Variants in KCNJ6 observed in about 807,000 individuals in gnomAD.
KCNJ6 encodes G protein-activated inward rectifier potassium channel 2.
Under a neutral mutation model 34.2 loss-of-function variants are expected in KCNJ6, and 9 were observed. The observed-to-expected ratio is 0.26, with a 90% CI of 0.16 to 0.46. The LOEUF is 0.46. KCNJ6 is among the 20% of genes least tolerant of loss of function. The pLI, the probability that KCNJ6 is intolerant of heterozygous loss-of-function variation, is 1.00. For missense variants in KCNJ6, 236 were observed against 531.3 expected (o/e 0.44, Z 5.46); for synonymous variants, 196 against 207.1 (o/e 0.95, Z 0.46).
rs536483408 is a variant in KCNJ6, at chr21:37,864,004, G to A, written c.-27-23295C>T. On this transcript the variant is annotated intron_variant, in intron 1 of 3. Transcript: ENST00000609713. ...AGCTTTTCAGGCCAATGAGTCATCC[G>A]GCATCACAAGCCGGGTTGTGGGGCT... Among the ~76,000 whole-genome samples the A allele has an allele frequency of 3.2e-4, 49 of 151,958 alleles. No individual in the cohort carries two copies. The South Asian group carries it at 8.1e-3, about 25-fold the overall frequency.
At chr21:37,763,147 G>A (rs144316321) in intron 2 of KCNJ6, among the ~76,000 whole-genome samples, 1 of 152,106 alleles carries the variant, frequency 6.6e-6, no homozygotes, top group Non-Finnish European at 1.5e-5. Flanking sequence ...GAGAGTACAA[G>A]GCAAGTCACC....
At chr21:37,895,920 G>A (rs577487116) in intron 1 of KCNJ6, among the ~76,000 whole-genome samples, 3 of 152,316 alleles carry the variant, frequency 2.0e-5, no homozygotes, top group South Asian at 2.1e-4. Flanking sequence ...AATGCCTGCA[G>A]GCTCATTGTA....
intron 3 of KCNJ6, among the ~76,000 whole-genome samples, chr21:37,635,507 C>T (rs767013776): frequency 1.4e-4 from 21 of 151,202 alleles, no homozygotes; most frequent in Non-Finnish European, 2.2e-4. Context: ...TGTGAGCCAC[C>T]GCACCTGGCC....
chr21:37,800,903 G>A (rs1303285515), intron 2 of KCNJ6, among the ~76,000 whole-genome samples: 2 of 152,150 alleles, frequency 1.3e-5, no homozygotes, highest in South Asian at 4.2e-4. Context: ...CTGGATTATC[G>A]GGTAGGATCC....
intron 3 of KCNJ6, among the ~76,000 whole-genome samples, chr21:37,645,787 C>T (rs1160451050): frequency 1.3e-5 from 2 of 152,100 alleles, no homozygotes; most frequent in East Asian, 3.8e-4. Context: ...CACGTAGCAG[C>T]CTTTTCCAGA....
intron 1 of KCNJ6, among the ~76,000 whole-genome samples, chr21:37,847,463 G>A (rs2055515085): frequency 6.6e-6 from 1 of 152,174 alleles, no homozygotes; most frequent in South Asian, 2.1e-4. Context: ...AGAAATGAAG[G>A]CCGTTCATGC....
At chr21:37,778,226 T>C (rs2055151644) in intron 2 of KCNJ6, among the ~76,000 whole-genome samples, 1 of 152,194 alleles carries the variant, frequency 6.6e-6, no homozygotes, top group Non-Finnish European at 1.5e-5. Flanking sequence ...AGTCAGTTCT[T>C]ACCATGTAAA....
Position 37,613,361 on chromosome 21 carries a change from T to G in KCNJ6, c.*11798A>C, listed in dbSNP as rs1219352575. The G allele has an allele frequency of 6.6e-6, 1 of 152,236 alleles. No homozygotes were observed. The allele number at this position is 152,236 out of a possible 1,614,324, so 9.4% of individuals were successfully genotyped here. On this transcript the variant is annotated 3_prime_UTR_variant, in exon 4 of 4. Coordinates refer to ENST00000609713, the MANE Select transcript of KCNJ6 (RefSeq NM_002240.5). ...GTGGAATGCAAAACAGTACAGCCACTTTGGAAGGCAGTTTGGCTGTGTCTT... is the reference window on the plus strand; with the variant it reads ...GTGGAATGCAAAACAGTACAGCCACGTTGGAAGGCAGTTTGGCTGTGTCTT...
At chr21:37,753,581 T>A (rs2055007822) in intron 2 of KCNJ6, among the ~76,000 whole-genome samples, 1 of 152,160 alleles carries the variant, frequency 6.6e-6, no homozygotes, top group Non-Finnish European at 1.5e-5. Flanking sequence ...CTGGTTCTGC[T>A]CCTACTGTGC....
At chr21:37,884,623 A>G (rs751243537) in intron 1 of KCNJ6, among the ~76,000 whole-genome samples, 1 of 152,108 alleles carries the variant, frequency 6.6e-6, no homozygotes, top group African/African-American at 2.4e-5. Flanking sequence ...GTAAAAGTCA[A>G]ATTTCACAAA....
intron 3 of KCNJ6, 51 bp from the exon 4 acceptor site, chr21:37,625,535 T>C: frequency 7.0e-7 from 1 of 1,418,578 alleles, no homozygotes; most frequent in Non-Finnish European, 9.8e-7. Context: ...GGGCTTTCCA[T>C]GGCCAAGGAG....
At chr21:37,705,334 A>T (rs1004199661) in intron 3 of KCNJ6, among the ~76,000 whole-genome samples, 6 of 152,176 alleles carry the variant, frequency 3.9e-5, no homozygotes, top group Non-Finnish European at 5.9e-5. Flanking sequence ...TGGCCAAGTT[A>T]CTGTCTTCCC....
At chr21:37,712,356 G>T (rs995280815) in intron 3 of KCNJ6, among the ~76,000 whole-genome samples, 9 of 152,102 alleles carry the variant, frequency 5.9e-5, no homozygotes, top group Non-Finnish European at 8.8e-5. Flanking sequence ...GGGGGATCCA[G>T]AGTCCCTGTG....
chr21:37,717,799 G>A (rs1054766942), intron 2 of KCNJ6, among the ~76,000 whole-genome samples: 3 of 152,064 alleles, frequency 2.0e-5, no homozygotes, highest in Non-Finnish European at 4.4e-5. Context: ...GGGAGAAGAG[G>A]GTTTGTCAAA....
chr21:37,829,015 T>C (rs559887872), intron 2 of KCNJ6, among the ~76,000 whole-genome samples: 230 of 152,344 alleles, frequency 1.5e-3, no homozygotes, highest in African/African-American at 5.2e-3. Flanking sequence ...AATCCAGCCA[T>C]GCAGCCTAAC....
intron 1 of KCNJ6, among the ~76,000 whole-genome samples, chr21:37,894,574 G>T (rs2055778629): frequency 6.6e-6 from 1 of 152,104 alleles, no homozygotes; most frequent in Non-Finnish European, 1.5e-5. Context: ...CTGAGGCAGA[G>T]AACTGCTTGA....
chr21:37,838,213 A>C (rs1391374461), intron 2 of KCNJ6, among the ~76,000 whole-genome samples: 1 of 152,212 alleles, frequency 6.6e-6, no homozygotes, highest in Non-Finnish European at 1.5e-5. Context: ...ATCATTAGAG[A>C]TATTGTTCAG....
At chr21:37,748,824 C>A (rs1338297568) in intron 2 of KCNJ6, among the ~76,000 whole-genome samples, 3 of 152,098 alleles carry the variant, frequency 2.0e-5, no homozygotes, top group Admixed American at 2.0e-4. Context: ...AGGTTTTATC[C>A]CCGCAAAACT....
intron 2 of KCNJ6, among the ~76,000 whole-genome samples, chr21:37,812,076 C>T (rs969353788): frequency 1.3e-5 from 2 of 152,218 alleles, no homozygotes; most frequent in Admixed American, 1.3e-4. Context: ...GAATTTAGAC[C>T]ATTTGGGGTC....
Sources: allele counts gnomAD v4.1 joint callset (sites outside exome capture counted in the v4.1 genomes callset), GRCh38; gene constraint gnomAD v4.1.1; transcripts MANE v1.5; gene names NCBI Gene and HGNC (gene_info 2026-07-23, HGNC 2026-07-21).